Variants in SOS2 observed in about 807,000 individuals in gnomAD.
SOS2 encodes son of sevenless homolog 2.
Under a neutral mutation model 148.2 loss-of-function variants are expected in SOS2, and 65 were observed. The observed-to-expected ratio is 0.44, with a 90% confidence interval of 0.36 to 0.54. SOS2 has a LOEUF of 0.54. Ranked by LOEUF, SOS2 falls within the 20% of genes least tolerant of loss-of-function variation. The probability of loss-of-function intolerance (pLI) is 0.00; values close to 1 mark genes in which losing one functional copy is unlikely to be tolerated. For synonymous variants in SOS2, 539 were observed against 537.1 expected (o/e 1.00, Z -0.05); for missense variants, 1,341 against 1,590.2 (o/e 0.84, Z 2.67).
At chr14:50,200,852 C>T in intron 3 of SOS2, 101 bp downstream of exon 3, 1 of 1,067,834 alleles carries the variant, frequency 9.4e-7, no homozygotes, top group African/African-American at 1.6e-5. Context: ...CACATATACA[C>T]ACTAACACAG....
intron 4 of SOS2, among the ~76,000 whole-genome samples, chr14:50,195,213 C>T (rs911510325): frequency 6.6e-5 from 10 of 152,092 alleles, no homozygotes; most frequent in African/African-American, 1.9e-4. Context: ...CACAGAGTAA[C>T]GTGGTGCCAA....
intron 1 of SOS2, among the ~76,000 whole-genome samples, chr14:50,220,322 C>T (rs1191871074): frequency 7.2e-6 from 1 of 137,984 alleles, no homozygotes. Context: ...AGGAGAATGG[C>T]GTGAACCCGG....
intron 1 of SOS2, among the ~76,000 whole-genome samples, chr14:50,225,669 T>G (rs2139871902): frequency 6.6e-6 from 1 of 152,360 alleles, no homozygotes; most frequent in African/African-American, 2.4e-5. Context: ...CGAGTTCTAC[T>G]GTTACATTCA....
intron 16 of SOS2, among the ~76,000 whole-genome samples, chr14:50,142,156 C>T (rs1233500369): frequency 5.9e-5 from 9 of 151,724 alleles, no homozygotes; most frequent in African/African-American, 1.5e-4. Flanking sequence ...TACAGGCGCC[C>T]GCCAGCATGC....
intron 1 of SOS2, among the ~76,000 whole-genome samples, chr14:50,219,351 G>A (rs1300162339): frequency 6.6e-6 from 1 of 151,986 alleles, no homozygotes; most frequent in African/African-American, 2.4e-5. Context: ...GCAATAAAAA[G>A]GAATGAACTA....
At chr14:50,168,469 A>C (rs1463369935) in intron 8 of SOS2, among the ~76,000 whole-genome samples, 1 of 151,988 alleles carries the variant, frequency 6.6e-6, no homozygotes. Flanking sequence ...CCATCCTTTC[A>C]CCTCAGCCTC....
chr14:50,155,469 C>G (rs1223129890), intron 12 of SOS2, among the ~76,000 whole-genome samples: 1 of 152,136 alleles, frequency 6.6e-6, no homozygotes, highest in Non-Finnish European at 1.5e-5. Flanking sequence ...CACCTTTCTA[C>G]CTATCTAAAG....
intron 1 of SOS2, among the ~76,000 whole-genome samples, chr14:50,225,089 C>A (rs935851745): frequency 6.6e-6 from 1 of 151,968 alleles, no homozygotes; most frequent in Non-Finnish European, 1.5e-5. Context: ...TTTGAAAAAA[C>A]TTTGTACTAG....
chr14:50,135,268 C>T (rs1884038648), intron 18 of SOS2, among the ~76,000 whole-genome samples: 2 of 151,594 alleles, frequency 1.3e-5, no homozygotes, highest in Non-Finnish European at 2.9e-5. Context: ...TGACACCAGC[C>T]AGGGCAATAT....
At chr14:50,137,474 A>C (rs2139544805) in intron 18 of SOS2, among the ~76,000 whole-genome samples, 1 of 152,292 alleles carries the variant, frequency 6.6e-6, no homozygotes, top group South Asian at 2.1e-4. Context: ...GCTTGAACCA[A>C]CTACACAAAG....
At chr14:50,166,165 T>C (rs1399997031) in intron 8 of SOS2, among the ~76,000 whole-genome samples, 1 of 152,206 alleles carries the variant, frequency 6.6e-6, no homozygotes, top group African/African-American at 2.4e-5. Flanking sequence ...AGAGAAAAGA[T>C]ACCCTTGCTA....
chr14:50,180,685 A>AT lies in SOS2; in HGVS notation c.859-4dup. On this transcript the variant is annotated splice_region_variant and splice_polypyrimidine_tract_variant and intron_variant, in intron 6 of 22. Coordinates refer to ENST00000216373, the MANE Select transcript of SOS2 (RefSeq NM_006939.4). ...TCATAAGGATCAAATGCTTGCTCCT[A>AT]TTTTTTTAAAAAGAGAAAAAGCATT... 8 of 1,514,576 alleles carry AT rather than the reference A, an allele frequency of 5.3e-6. No individual in the cohort carries two copies. Among genetic ancestry groups the AT allele is most frequent in the Non-Finnish European group, 5.4e-6 (6 of 1,104,328 alleles). 93.8% of individuals were successfully genotyped at this position (1,514,576 alleles called of 1,614,324 possible).
intron 14 of SOS2, among the ~76,000 whole-genome samples, chr14:50,147,547 T>C (rs1884529357): frequency 6.8e-6 from 1 of 147,006 alleles, no homozygotes; most frequent in South Asian, 2.1e-4. Context: ...TGTACAACAA[T>C]GCTATACGTT....
rs557115494 is a variant in SOS2, at chr14:50,129,902, T to A, written c.3379+59A>T. 9.9e-5 allele frequency: 101 copies of A among 1,022,930 alleles called. No individual in the cohort carries two copies. In the South Asian group the frequency reaches 1.4e-3, roughly 14 times the overall value. 63.4% of individuals were successfully genotyped at this position (1,022,930 alleles called of 1,614,324 possible). ...CAAAACTCAAAATACTCAAATATAA[T>A]CAACCAGATTATTATCTTTACAGTC... On this transcript the variant is annotated intron_variant, in intron 21 of 22. Transcript: ENST00000216373.
At chr14:50,215,195 T>C (rs576969342) in intron 1 of SOS2, among the ~76,000 whole-genome samples, 45 of 152,266 alleles carry the variant, frequency 3.0e-4, no homozygotes, top group African/African-American at 1.0e-3. Context: ...GTGAAAATGA[T>C]TGAACATGAG....
At chr14:50,144,719 T>C (rs1208964135) in intron 16 of SOS2, among the ~76,000 whole-genome samples, 1 of 152,176 alleles carries the variant, frequency 6.6e-6, no homozygotes, top group African/African-American at 2.4e-5. Context: ...ATTACAGGCG[T>C]GAGCCACCAC....
chr14:50,144,583 G>A (rs951416455), intron 16 of SOS2, among the ~76,000 whole-genome samples: 2 of 151,976 alleles, frequency 1.3e-5, no homozygotes, highest in Non-Finnish European at 2.9e-5. Context: ...GATAACAGGC[G>A]TGCGCCACCA....
intron 8 of SOS2, among the ~76,000 whole-genome samples, chr14:50,165,052 G>A (rs745875133): frequency 2.0e-5 from 3 of 152,038 alleles, no homozygotes; most frequent in African/African-American, 4.8e-5. Flanking sequence ...GTAGTTTTTG[G>A]AATATAAGGA....
chr14:50,170,874 AGGATG>A (rs1211658403), intron 8 of SOS2, among the ~76,000 whole-genome samples: 2 of 151,400 alleles, frequency 1.3e-5, no homozygotes, highest in Non-Finnish European at 2.9e-5. Context: ...GCACTTTGGG[AGGATG>A]AGGCAGGTGG....
Sources: gnomAD v4.1 joint callset for allele counts (sites outside exome capture counted in the v4.1 genomes callset) on GRCh38, gnomAD v4.1.1 for gene constraint, MANE v1.5 for transcripts, NCBI Gene and HGNC (gene_info 2026-07-23, HGNC 2026-07-21) for gene names.